Variants in KCNQ1 observed in about 807,000 individuals in gnomAD.
KCNQ1 encodes potassium voltage-gated channel subfamily KQT member 1.
Under a neutral mutation model 72.4 loss-of-function variants are expected in KCNQ1, and 49 were observed. The observed-to-expected ratio is 0.68, with a 90% CI of 0.54 to 0.86. The LOEUF is 0.86. Ranked by LOEUF, KCNQ1 falls within the 40% of genes least tolerant of loss-of-function variation. The pLI is 0.00. For missense variants in KCNQ1, 790 were observed against 945.1 expected, an observed-to-expected ratio of 0.84 and a Z score of 2.15; for synonymous variants, 450 against 412.6, an observed-to-expected ratio of 1.09 and a Z score of -1.10.
intron 11 of KCNQ1, among the ~76,000 whole-genome samples, chr11:2,730,391 G>A (rs953673473): frequency 6.6e-6 from 1 of 152,212 alleles, no homozygotes; most frequent in South Asian, 2.1e-4. Flanking sequence ...CAAGGAGCCA[G>A]CAGAGCTGGT....
In KCNQ1 at chr11:2,784,174, T is replaced by TG. The variant is rs1347403521; in HGVS notation, c.1794+6141dup. On this transcript the variant is annotated intron_variant, in intron 15 of 15. Coordinates refer to ENST00000155840, the MANE Select transcript of KCNQ1 (RefSeq NM_000218.3). The surrounding 1 kb of genome is among the most constrained non-coding windows in gnomAD (Gnocchi z 4.7). ...GTCTATATTTACTTTGAGGTAATTT[T>TG]GGGGTATGATATGAAGTAAAGTCTA... Among the ~76,000 whole-genome samples, 248 of 152,130 alleles carry TG rather than the reference T, an allele frequency of 1.6e-3. 1 individual carries two copies. The highest frequency in any genetic ancestry group is 5.7e-3 in the African/African-American group (237 of 41,582).
intron 11 of KCNQ1, chr11:2,699,505 G>GGAGCCCCCAGGAGAGTGCC: frequency 1.1e-5 from 2 of 180,368 alleles, no homozygotes; most frequent in Non-Finnish European, 1.8e-5. Flanking sequence ...GCCGCGCTGA[G>GGAGCCCCCAGGAGAGTGCC]GAGCCCCCAG....
chr11:2,666,479 A>C, intron 11 of KCNQ1: 1 of 398,678 alleles, frequency 2.5e-6, no homozygotes, highest in Non-Finnish European at 4.4e-6. Flanking sequence ...TCACGCCAAG[A>C]CATTCGAGTT....
chr11:2,467,245 T>C (rs1437337371), intron 1 of KCNQ1, among the ~76,000 whole-genome samples: 22 of 151,978 alleles, frequency 1.4e-4, no homozygotes. Flanking sequence ...CAGGGCTCCA[T>C]GGGGTGGGCT....
Position 2,445,026 on chromosome 11 carries a change from G to GC in KCNQ1, c.-70dup, listed in dbSNP as rs1846013022. ...TGGCAGCAGTGGCTGCCCGCACTGC[G>GC]CCCGGGCGCTCGCCTTCGCTGCAGC... On this transcript the variant is annotated 5_prime_UTR_variant, in exon 1 of 16. Coordinates refer to ENST00000155840, the MANE Select transcript of KCNQ1 (RefSeq NM_000218.3). The GC allele has an allele frequency of 1.0e-6, 1 of 1,001,230 alleles. No individual in the cohort carries two copies. Among genetic ancestry groups the GC allele is most frequent in the African/African-American group, 1.8e-5 (1 of 56,976 alleles). The allele number at this position is 1,001,230 out of a possible 1,614,324, so 62.0% of individuals were successfully genotyped here. A position where few individuals can be genotyped will look rare whatever the true frequency, so the allele number is the denominator to read the frequency against.
At chr11:2,640,715 T>C (rs757652021) in intron 10 of KCNQ1, 2 of 398,452 alleles carry the variant, frequency 5.0e-6, no homozygotes. Context: ...TTTTTTATTT[T>C]GAAATATACA....
chr11:2,699,617 G>C (rs745649840), intron 11 of KCNQ1: 5 of 355,906 alleles, frequency 1.4e-5, no homozygotes, highest in Admixed American at 9.7e-5. Context: ...CCCCCGGAGA[G>C]AACCGCGCCG....
Position 2,445,053 on chromosome 11 carries a change from C to G in KCNQ1, c.-46C>G. 7.7e-6 allele frequency: 8 copies of G among 1,043,574 alleles called. No homozygotes were observed. Among genetic ancestry groups the G allele is most frequent in the Non-Finnish European group, 9.2e-6 (8 of 868,516 alleles). The allele number at this position is 1,043,574 out of a possible 1,614,324, so 64.6% of individuals were successfully genotyped here. ...CCGGGCGCTCGCCTTCGCTGCAGCTCCCGGTGCCGCCGCTCGGGCCGGCCC... is the reference window on the plus strand; with the variant it reads ...CCGGGCGCTCGCCTTCGCTGCAGCTGCCGGTGCCGCCGCTCGGGCCGGCCC... On this transcript the variant is annotated 5_prime_UTR_variant, in exon 1 of 16. Coordinates refer to ENST00000155840, the MANE Select transcript of KCNQ1 (RefSeq NM_000218.3).
chr11:2,846,014 C>T (rs1848318832), intron 15 of KCNQ1, among the ~76,000 whole-genome samples: 1 of 152,208 alleles, frequency 6.6e-6, no homozygotes, highest in Non-Finnish European at 1.5e-5. Context: ...CTCTGGCCAT[C>T]CCGGGGCTTG....
Position 2,803,183 on chromosome 11 carries a change from G to T in KCNQ1, c.1794+25146G>T, listed in dbSNP as rs951008088. Among the ~76,000 whole-genome samples the T allele has an allele frequency of 1.3e-5, 2 of 151,946 alleles. No individual in the cohort carries two copies. The highest frequency in any genetic ancestry group is 1.9e-4 in the East Asian group (1 of 5,162). On this transcript the variant is annotated intron_variant, in intron 15 of 15. Coordinates refer to ENST00000155840, the MANE Select transcript of KCNQ1 (RefSeq NM_000218.3). The surrounding 1 kb of genome is among the most constrained non-coding windows in gnomAD (Gnocchi z 6.4). ...CCCCCCCCACGGGCACCCAGGAACC[G>T]CCCTGGCTTTGCTGGAGGACCTGCC...
At chr11:2,789,183 G>A (rs549578267) in intron 15 of KCNQ1, among the ~76,000 whole-genome samples, 141 of 152,302 alleles carry the variant, frequency 9.3e-4, no homozygotes, top group African/African-American at 3.0e-3. Flanking sequence ...CCAGGGGAAT[G>A]CACACCCCTA....
chr11:2,807,731 G>A (rs530339492), intron 15 of KCNQ1, among the ~76,000 whole-genome samples: 5 of 107,362 alleles, frequency 4.7e-5, no homozygotes, highest in South Asian at 6.6e-4. Context: ...TGCCTTTCCC[G>A]CACTCTCCTC....
intron 10 of KCNQ1, chr11:2,649,415 A>C (rs1849723828): frequency 2.5e-6 from 1 of 398,426 alleles, no homozygotes; most frequent in Middle Eastern, 6.3e-4. Flanking sequence ...GGTAGATATC[A>C]TCCTCCTACT....
At chr11:2,796,768 G>A (rs1021272151) in intron 15 of KCNQ1, among the ~76,000 whole-genome samples, 2 of 152,216 alleles carry the variant, frequency 1.3e-5, no homozygotes, top group African/African-American at 2.4e-5. Context: ...CGGCGGCAGC[G>A]GCTCTCGGCC....
At position 2,734,249 on chromosome 11, in the gene KCNQ1, A is replaced by G. The variant is rs1845914858; in HGVS notation, c.1515-34595A>G. Among the ~76,000 whole-genome samples, 1 of 152,214 alleles carries G rather than the reference A, an allele frequency of 6.6e-6. No homozygotes were observed. The highest frequency in any genetic ancestry group is 1.5e-5 in the Non-Finnish European group (1 of 68,030). On this transcript the variant is annotated intron_variant, in intron 11 of 15. Coordinates refer to ENST00000155840, the MANE Select transcript of KCNQ1 (RefSeq NM_000218.3). This position sits in a 1 kb window ranked among gnomAD's most constrained non-coding sequence, Gnocchi z 7.0. Reference sequence around the variant, plus strand: ...AGGCAGATTGGGAGGGTCAGGTCCTAAGAGGCCTCAGGCCGGAGCCCAGCT... The same window carrying G: ...AGGCAGATTGGGAGGGTCAGGTCCTGAGAGGCCTCAGGCCGGAGCCCAGCT...
chr11:2,810,440 T>C (rs1847464084), intron 15 of KCNQ1, among the ~76,000 whole-genome samples: 1 of 152,008 alleles, frequency 6.6e-6, no homozygotes, highest in Non-Finnish European at 1.5e-5. Context: ...ATGTCTCAAC[T>C]TTCTTCCCCT....
rs1847835053 is a variant in KCNQ1, at chr11:2,826,145, G to T, written c.1795-21622G>T. On this transcript the variant is annotated intron_variant, in intron 15 of 15. Transcript: ENST00000155840. This position sits in a 1 kb window ranked among gnomAD's most constrained non-coding sequence, Gnocchi z 4.2. ...GCCAATGTCTTGAGTAATTATTGGG[G>T]GGCGGGGGCTGTCCAGCCCGCAGCA... 1.3e-5 allele frequency among the ~76,000 whole-genome samples: 2 copies of T among 152,236 alleles called. No homozygotes were observed. Among genetic ancestry groups the T allele is most frequent in the African/African-American group, 2.4e-5 (1 of 41,462 alleles).
chr11:2,649,574 T>A (rs370351077), intron 10 of KCNQ1: 2 of 398,610 alleles, frequency 5.0e-6, no homozygotes, highest in East Asian at 3.6e-5. Flanking sequence ...ATAGTATTTG[T>A]GGCTAGCAAT....
At position 2,724,498 on chromosome 11, in the gene KCNQ1, G is replaced by T. The variant is rs1845724421; in HGVS notation, c.1515-44346G>T. Reference sequence around the variant, plus strand: ...GGCAAAGAGAGAGAAGTGGTGGGTGGCAGCGAGCAGGCTGTCCTGCAAGGC... The same window carrying T: ...GGCAAAGAGAGAGAAGTGGTGGGTGTCAGCGAGCAGGCTGTCCTGCAAGGC... On this transcript the variant is annotated intron_variant, in intron 11 of 15. Transcript: ENST00000155840. The surrounding 1 kb of genome is among the most constrained non-coding windows in gnomAD (Gnocchi z 6.8). 3.3e-5 allele frequency among the ~76,000 whole-genome samples: 5 copies of T among 152,188 alleles called. No homozygotes were observed. The South Asian group carries it at 1.0e-3, about 32-fold the overall frequency.
Sources: gnomAD v4.1 joint callset for allele counts (sites outside exome capture counted in the v4.1 genomes callset) on GRCh38, gnomAD v4.1.1 for gene constraint, Gnocchi (gnomAD v3.1) non-coding constraint, MANE v1.5 for transcripts, NCBI Gene and HGNC (gene_info 2026-07-23, HGNC 2026-07-21) for gene names.